Variants in BTG4 observed in about 807,000 individuals in gnomAD.
BTG4 encodes protein BTG4.
BTG4 carries 10 observed loss-of-function variants against 19.3 expected under a neutral mutation model. That is an observed-to-expected ratio of 0.52 (90% CI 0.32 to 0.88). The LOEUF is 0.88. BTG4 is among the 40% of genes least tolerant of loss of function. BTG4 has a pLI of 0.04. For synonymous variants in BTG4, 91 were observed against 95.7 expected, an observed-to-expected ratio of 0.95 and a Z score of 0.29; for missense variants, 238 against 281.9, an observed-to-expected ratio of 0.84 and a Z score of 1.11.
chr11:111,436,622 C>T, the BTG4 span, among the ~76,000 whole-genome samples: 3 of 110,454 alleles, frequency 2.7e-5, no homozygotes, highest in Admixed American at 1.0e-4. Flanking sequence ...AGCAAAACTC[C>T]GTCTCAAAAA....
the BTG4 span, among the ~76,000 whole-genome samples, chr11:111,388,285 G>A: frequency 5.1e-5 from 1 of 19,612 alleles, no homozygotes; most frequent in African/African-American, 1.2e-4. Flanking sequence ...GACTCAGTTG[G>A]TTGGTTGGTT....
chr11:111,400,164 C>T, the BTG4 span, among the ~76,000 whole-genome samples: 1 of 152,096 alleles, frequency 6.6e-6, no homozygotes, highest in Non-Finnish European at 1.5e-5. Context: ...AAAGTCATGC[C>T]GCCTCTCTGT....
At chr11:111,474,560 A>G (rs375446100) in intron 5 of BTG4, among the ~76,000 whole-genome samples, 4 of 151,748 alleles carry the variant, frequency 2.6e-5, no homozygotes, top group African/African-American at 9.7e-5. Context: ...ATACATTACT[A>G]CTTACTCATT....
Sources: gnomAD v4.1 joint callset for allele counts (sites outside exome capture counted in the v4.1 genomes callset) on GRCh38, gnomAD v4.1.1 for gene constraint, MANE v1.5 for transcripts, NCBI Gene and HGNC (gene_info 2026-07-23, HGNC 2026-07-21) for gene names.